The following RAB6B variants were observed in gnomAD, a reference collection of about 807,000 sequenced individuals.
RAB6B encodes the protein RAB6B, member RAS oncogene family, also known as ras-related protein Rab-6B.
Under a neutral mutation model 31.2 loss-of-function variants are expected in RAB6B, and 7 were observed. The observed-to-expected ratio is 0.22, with a 90% CI of 0.13 to 0.42. The LOEUF is 0.42. Among genes scored for constraint, RAB6B ranks in the 10% least tolerant of loss-of-function variants. RAB6B has a pLI of 1.00. For synonymous variants in RAB6B, 105 were observed against 104.9 expected (o/e 1.00, Z -0.01); for missense variants, 149 against 280.6 (o/e 0.53, Z 3.35).
intron 1 of RAB6B, among the ~76,000 whole-genome samples, chr3:133,870,047 T>C (rs1390434589): frequency 6.6e-6 from 1 of 152,122 alleles, no homozygotes; most frequent in East Asian, 1.9e-4. Flanking sequence ...AAAGAAAACA[T>C]GTTAGTCCAT....
intron 7 of RAB6B, among the ~76,000 whole-genome samples, chr3:133,832,372 G>C (rs1035464963): frequency 6.6e-6 from 1 of 152,024 alleles, no homozygotes; most frequent in African/African-American, 2.4e-5. Context: ...ACGTGAAGAA[G>C]AGGTGCAGCA....
intron 2 of RAB6B, among the ~76,000 whole-genome samples, chr3:133,858,681 G>A (rs1455954016): frequency 6.6e-6 from 1 of 152,136 alleles, no homozygotes; most frequent in Non-Finnish European, 1.5e-5. Flanking sequence ...CCCATGCTGC[G>A]ATACTTGGGA....
At chr3:133,853,671 C>T (rs185402515) in intron 2 of RAB6B, among the ~76,000 whole-genome samples, 158 of 152,188 alleles carry the variant, frequency 1.0e-3, no homozygotes, top group African/African-American at 3.7e-3. Context: ...GGTCTGAGTG[C>T]TCTGCCAACA....
chr3:133,860,042 G>T (rs1559906979), intron 2 of RAB6B, among the ~76,000 whole-genome samples: 1 of 152,214 alleles, frequency 6.6e-6, no homozygotes, highest in Non-Finnish European at 1.5e-5. Context: ...CTCGGAGCCT[G>T]CAGGGGCTAT....
At chr3:133,834,391 C>T (rs1935700682) in intron 7 of RAB6B, among the ~76,000 whole-genome samples, 184 bp downstream of exon 7, 1 of 152,152 alleles carries the variant, frequency 6.6e-6, no homozygotes, top group South Asian at 2.1e-4. Flanking sequence ...TGGTTAGAGC[C>T]AGACGGGGGC....
chr3:133,849,131 C>T (rs1377396856), intron 2 of RAB6B, among the ~76,000 whole-genome samples: 1 of 152,176 alleles, frequency 6.6e-6, no homozygotes, highest in East Asian at 1.9e-4. Context: ...ATGGTTTATA[C>T]TTATTCAGAA....
At chr3:133,857,179 T>C (rs552667149) in intron 2 of RAB6B, among the ~76,000 whole-genome samples, 1 of 152,292 alleles carries the variant, frequency 6.6e-6, no homozygotes, top group East Asian at 1.9e-4. Context: ...AACAGTGGTT[T>C]TGGCCCATAA....
At chr3:133,856,715 G>A (rs573725726) in intron 2 of RAB6B, among the ~76,000 whole-genome samples, 1 of 152,244 alleles carries the variant, frequency 6.6e-6, no homozygotes, top group East Asian at 1.9e-4. Context: ...TCATTTTGTA[G>A]TTACCATAAG....
chr3:133,838,275 A>AG lies in RAB6B; in HGVS notation c.402-17dup. 6.2e-7 allele frequency: 1 copy of AG among 1,608,982 alleles called. No individual in the cohort carries two copies. Among genetic ancestry groups the AG allele is most frequent in the Non-Finnish European group, 8.5e-7 (1 of 1,175,368 alleles). On this transcript the variant is annotated splice_polypyrimidine_tract_variant and intron_variant, in intron 5 of 7. Transcript: ENST00000285208. ...GGTTATCTGCCTAGAGATGAGGGGA[A>AG]GGGGGGAAATCAGCTCAGCAGAGAA...
chr3:133,834,577 C>T lies in RAB6B; in HGVS notation c.560G>A (p.Gly187Glu), dbSNP rs1468545531. 1 of 1,612,014 alleles carries T rather than the reference C, an allele frequency of 6.2e-7. No individual in the cohort carries two copies. The highest frequency in any genetic ancestry group is 8.5e-7 in the Non-Finnish European group (1 of 1,178,152). The change falls in exon 7 of 8, where the codon GGG becomes GAG. Residue 187 changes from glycine to glutamate, a missense_variant and splice_region_variant. Around this residue, in one of 2 missense-constraint regions of RAB6B, gnomAD observed 74 missense variants for 100.5 expected, o/e 0.74. Transcript: ENST00000285208. ...CACTTGTCAAAGGAAAAGGATACTC[C>T]CTTCTTTGCTTTTCTCCTGGACATT... is the stretch of plus-strand genomic sequence containing the variant. ...MENVQEKSKE[G>E]MIDIKLDKPQ...
intron 2 of RAB6B, among the ~76,000 whole-genome samples, chr3:133,850,365 G>A (rs571371444): frequency 6.6e-6 from 1 of 152,168 alleles, no homozygotes; most frequent in East Asian, 1.9e-4. Context: ...AGATTAAATG[G>A]AGACTAACTC....
At chr3:133,834,458 G>T in intron 7 of RAB6B, 117 bp downstream of exon 7, 2 of 1,159,010 alleles carry the variant, frequency 1.7e-6, no homozygotes, top group Non-Finnish European at 2.6e-6. Context: ...GCCATTCGCG[G>T]CAGACCAGGG....
Position 133,826,605 on chromosome 3 carries a change from G to A in RAB6B, c.*2183C>T, listed in dbSNP as rs921847386. ...ACTCTTCCAACAAGCACCACTTGGG[G>A]GTGTGCCCATGGTGGGGGGACACTG... On this transcript the variant is annotated 3_prime_UTR_variant, in exon 8 of 8. Transcript: ENST00000285208. 6.6e-6 allele frequency: 1 copy of A among 152,664 alleles called. No individual in the cohort carries two copies. The highest frequency in any genetic ancestry group is 2.4e-5 in the African/African-American group (1 of 41,458). The allele number at this position is 152,664 out of a possible 1,614,324, so 9.5% of individuals were successfully genotyped here.
Position 133,841,398 on chromosome 3 carries a change from AG to A in RAB6B, c.184-9del, listed in dbSNP as rs1388186732. 1 of 1,613,780 alleles carries A rather than the reference AG, an allele frequency of 6.2e-7. No individual in the cohort carries two copies. ...CCAGAGCTGCAGTCGCACCTGTCTC[AG>A]GGAGGGCAGGACCATGGGCAGAGGG... On this transcript the variant is annotated splice_polypyrimidine_tract_variant and intron_variant, in intron 3 of 7. Coordinates refer to ENST00000285208, the MANE Select transcript of RAB6B (RefSeq NM_016577.4).
intron 6 of RAB6B, among the ~76,000 whole-genome samples, chr3:133,836,607 G>A (rs1935738876): frequency 6.6e-6 from 1 of 152,184 alleles, no homozygotes. Context: ...TGACGGCTGA[G>A]GCAGATGCTA....
intron 1 of RAB6B, among the ~76,000 whole-genome samples, chr3:133,888,873 G>A (rs1413869970): frequency 6.6e-6 from 1 of 152,082 alleles, no homozygotes; most frequent in African/African-American, 2.4e-5. Context: ...CAGTCCCCAG[G>A]CCCTGCTTGG....
At position 133,895,665 on chromosome 3, in the gene RAB6B, G is replaced by A; in HGVS notation, c.-199C>T. On this transcript the variant is annotated 5_prime_UTR_variant, in exon 1 of 8. Transcript: ENST00000285208. ...GTCCGGCGGCGGAGGAGGAGGAGGA[G>A]AGAGAGGCGGAGGCGGAGGAAGGCT... 1 of 599,486 alleles carries A rather than the reference G, an allele frequency of 1.7e-6. No homozygotes were observed. The highest frequency in any genetic ancestry group is 2.0e-5 in the South Asian group (1 of 48,968). 37.1% of individuals were successfully genotyped at this position (599,486 alleles called of 1,614,324 possible).
Position 133,864,653 on chromosome 3 carries a change from A to G in RAB6B, c.71-11T>C. On this transcript the variant is annotated splice_polypyrimidine_tract_variant and intron_variant, in intron 1 of 7. Transcript: ENST00000285208. ...GAGACGTCTTCCCGACTGCAAAACA[A>G]CAAGGAGAGAGGTGTTCAGTCATGG... 4 of 1,613,146 alleles carry G rather than the reference A, an allele frequency of 2.5e-6. No individual in the cohort carries two copies. Among genetic ancestry groups the G allele is most frequent in the Non-Finnish European group, 3.4e-6 (4 of 1,179,036 alleles).
chr3:133,834,789 G>C, intron 6 of RAB6B, 148 bp from the exon 7 acceptor site: 2 of 746,726 alleles, frequency 2.7e-6, no homozygotes, highest in East Asian at 2.7e-5. Flanking sequence ...AAAGGCAGGG[G>C]CTGTGCCTAT....
Sources: gnomAD v4.1 joint callset for allele counts (sites outside exome capture counted in the v4.1 genomes callset) on GRCh38, gnomAD v4.1.1 for gene constraint, gnomAD v4.1.1 regional missense constraint, MANE v1.5 for transcripts, NCBI Gene and HGNC (gene_info 2026-07-23, HGNC 2026-07-21) for gene names.